The following KIFAP3 variants were observed in gnomAD, a reference collection of about 807,000 sequenced individuals.
KIFAP3 encodes the protein kinesin-associated protein 3.
A neutral mutation model predicts 106.5 loss-of-function variants in KIFAP3; 68 were observed. The observed-to-expected ratio is 0.64, with a 90% CI of 0.53 to 0.78. The LOEUF (loss-of-function observed/expected upper bound fraction) is 0.78. Among genes scored for constraint, KIFAP3 ranks in the 30% least tolerant of loss-of-function variants. The probability of loss-of-function intolerance (pLI) is 0.00; values close to 1 mark genes in which losing one functional copy is unlikely to be tolerated. For missense variants in KIFAP3, 780 were observed against 941.8 expected (o/e 0.83, Z 2.25); for synonymous variants, 320 against 311.5 (o/e 1.03, Z -0.29).
chr1:169,969,978 A>G (rs1665820781), intron 17 of KIFAP3, among the ~76,000 whole-genome samples: 1 of 152,046 alleles, frequency 6.6e-6, no homozygotes, highest in Non-Finnish European at 1.5e-5. Flanking sequence ...CAGAAATATC[A>G]GGGGAGGATT....
chr1:170,070,929 A>G (rs975304325), intron 1 of KIFAP3, among the ~76,000 whole-genome samples: 9 of 152,236 alleles, frequency 5.9e-5, no homozygotes, highest in Non-Finnish European at 1.2e-4. Context: ...ACAAGGTTCT[A>G]TTACAAAGAA....
At chr1:170,036,794 A>G (rs1247525828) in intron 5 of KIFAP3, among the ~76,000 whole-genome samples, 1 of 152,180 alleles carries the variant, frequency 6.6e-6, no homozygotes, top group Non-Finnish European at 1.5e-5. Flanking sequence ...TTAAAACAGA[A>G]TAGAGAAACA....
At chr1:170,083,396 T>C (rs12146094) in intron 1 of KIFAP3, among the ~76,000 whole-genome samples, 11,776 of 152,260 alleles carry the variant, frequency 0.077, 473 homozygotes, top group Non-Finnish European at 0.094. Context: ...CACTTGGACT[T>C]GCATTATTCT....
rs548909916 is a variant in KIFAP3, at chr1:170,000,811, C to T, written c.1184-8556G>A. Among the ~76,000 whole-genome samples, 5 of 152,120 alleles carry T rather than the reference C, an allele frequency of 3.3e-5. No individual in the cohort carries two copies. The South Asian group carries it at 1.0e-3, about 32-fold the overall frequency. On this transcript the variant is annotated intron_variant, in intron 10 of 19. Coordinates refer to ENST00000361580, the MANE Select transcript of KIFAP3 (RefSeq NM_014970.4). Reference sequence around the variant, plus strand: ...GAGATTTGAGATGAACAGATAAAAACCAACAGTTGTTAACCAACAGTTAAG... The same window carrying T: ...GAGATTTGAGATGAACAGATAAAAATCAACAGTTGTTAACCAACAGTTAAG...
At chr1:170,021,490 A>T (rs971707008) in intron 9 of KIFAP3, among the ~76,000 whole-genome samples, 2 of 129,356 alleles carry the variant, frequency 1.5e-5, no homozygotes, top group African/African-American at 6.1e-5. Flanking sequence ...CCCAGGCTGG[A>T]GTGCAGTGAC....
Position 169,944,270 on chromosome 1 carries a change from C to A in KIFAP3, c.2273+9741G>T, listed in dbSNP as rs892186949. Among the ~76,000 whole-genome samples the A allele has an allele frequency of 7.2e-5, 11 of 152,198 alleles. 1 individual carries two copies. The highest frequency in any genetic ancestry group is 7.2e-4 in the Admixed American group (11 of 15,278). On this transcript the variant is annotated intron_variant, in intron 19 of 19. Coordinates refer to ENST00000361580, the MANE Select transcript of KIFAP3 (RefSeq NM_014970.4). ...CTGGCTACTATGGCAGGGTGGTTAG[C>A]TCCAGGCACTGGTACAGGTGCTGGC...
chr1:170,023,330 G>A (rs944021780), intron 9 of KIFAP3, among the ~76,000 whole-genome samples: 1 of 151,974 alleles, frequency 6.6e-6, no homozygotes, highest in Non-Finnish European at 1.5e-5. Context: ...ATTCACTATA[G>A]TATTAGCTAC....
chr1:170,000,570 C>T (rs150403026), intron 10 of KIFAP3, among the ~76,000 whole-genome samples: 101 of 152,240 alleles, frequency 6.6e-4, no homozygotes, highest in African/African-American at 2.4e-3. Context: ...ATGTTAACTA[C>T]ACACTGACAT....
intron 10 of KIFAP3, among the ~76,000 whole-genome samples, chr1:169,996,708 A>G (rs1040561663): frequency 1.3e-5 from 2 of 152,194 alleles, no homozygotes; most frequent in Non-Finnish European, 2.9e-5. Flanking sequence ...AATGTAAGTT[A>G]TCATCATCAT....
intron 8 of KIFAP3, among the ~76,000 whole-genome samples, chr1:170,027,320 C>G (rs995276892): frequency 3.3e-5 from 5 of 152,058 alleles, no homozygotes; most frequent in Non-Finnish European, 5.9e-5. Context: ...GCGCCTGACC[C>G]TGTCTTGCTT....
intron 1 of KIFAP3, among the ~76,000 whole-genome samples, chr1:170,070,590 G>C (rs886512594): frequency 1.3e-5 from 2 of 152,048 alleles, no homozygotes; most frequent in Non-Finnish European, 2.9e-5. Context: ...TCTGACAAAT[G>C]ATGTCAGAAC....
intron 19 of KIFAP3, among the ~76,000 whole-genome samples, chr1:169,947,111 A>G (rs1327117343): frequency 6.6e-6 from 1 of 151,952 alleles, no homozygotes; most frequent in African/African-American, 2.4e-5. Context: ...TTTACTGTAC[A>G]CTTCTGCTTC....
chr1:169,983,522 C>A, intron 12 of KIFAP3, 140 bp from the exon 13 acceptor site: 2 of 635,364 alleles, frequency 3.1e-6, no homozygotes, highest in East Asian at 2.9e-5. Context: ...AATTTAGATG[C>A]AACCCATACC....
At chr1:170,046,944 T>C in intron 2 of KIFAP3, 78 bp from the exon 3 acceptor site, 1 of 781,328 alleles carries the variant, frequency 1.3e-6, no homozygotes, top group Non-Finnish European at 1.8e-6. Flanking sequence ...AAATAATTTA[T>C]AGATTATAAA....
At chr1:169,928,839 T>A (rs960805306) in intron 19 of KIFAP3, among the ~76,000 whole-genome samples, 1 of 152,022 alleles carries the variant, frequency 6.6e-6, no homozygotes, top group African/African-American at 2.4e-5. Context: ...CCCCTTAGTA[T>A]GGGGATATGC....
intron 8 of KIFAP3, among the ~76,000 whole-genome samples, chr1:170,029,506 T>C (rs1427207826): frequency 1.3e-5 from 2 of 151,946 alleles, no homozygotes; most frequent in Non-Finnish European, 2.9e-5. Flanking sequence ...ATCAAAGAAG[T>C]GCTTAATGGG....
intron 18 of KIFAP3, among the ~76,000 whole-genome samples, chr1:169,956,709 G>A (rs1665033225): frequency 6.6e-6 from 1 of 151,046 alleles, no homozygotes. Flanking sequence ...CAAACTCCTG[G>A]GTTCAAGTGA....
intron 19 of KIFAP3, among the ~76,000 whole-genome samples, chr1:169,924,438 G>A (rs1446257283): frequency 2.0e-5 from 3 of 152,146 alleles, no homozygotes; most frequent in Non-Finnish European, 4.4e-5. Flanking sequence ...ATCTTTTCTG[G>A]AATTCTCCAT....
chr1:170,014,972 C>G (rs901725314), intron 10 of KIFAP3, among the ~76,000 whole-genome samples: 1 of 151,896 alleles, frequency 6.6e-6, no homozygotes, highest in Non-Finnish European at 1.5e-5. Flanking sequence ...CATAACTTGC[C>G]CAAGGTCACA....
Sources: allele counts gnomAD v4.1 joint callset (sites outside exome capture counted in the v4.1 genomes callset), GRCh38; gene constraint gnomAD v4.1.1; transcripts MANE v1.5; gene names NCBI Gene and HGNC (gene_info 2026-07-23, HGNC 2026-07-21).